SETD2: variants seen among roughly 807,000 people sequenced by gnomAD.
SETD2 encodes SET domain containing 2, histone lysine methyltransferase.
Under a neutral mutation model 242.1 loss-of-function variants are expected in SETD2, and 31 were observed. The ratio of observed to expected loss-of-function variants is 0.13; its 90% CI spans 0.10 to 0.17. SETD2 has a LOEUF of 0.17. Among genes scored for constraint, SETD2 ranks in the 10% least tolerant of loss-of-function variants. The pLI is 1.00. For synonymous variants in SETD2, 1,006 were observed against 1,066.5 expected, an observed-to-expected ratio of 0.94 and a Z score of 1.11; for missense variants, 2,481 against 3,046.3, an observed-to-expected ratio of 0.81 and a Z score of 4.37.
At chr3:47,022,205 A>T (rs1057514427) in intron 18 of SETD2, among the ~76,000 whole-genome samples, 3 of 142,998 alleles carry the variant, frequency 2.1e-5, no homozygotes, top group African/African-American at 7.6e-5. Context: ...ACACACACAC[A>T]CACACACACA....
chr3:47,060,416 C>A (rs1213566797), intron 14 of SETD2, among the ~76,000 whole-genome samples: 3 of 151,960 alleles, frequency 2.0e-5, no homozygotes, highest in African/African-American at 7.3e-5. Flanking sequence ...AGAGGAAAAC[C>A]AAGAAGGCAG....
intron 14 of SETD2, among the ~76,000 whole-genome samples, chr3:47,059,816 T>A (rs9854790): frequency 2.0e-5 from 3 of 151,252 alleles, no homozygotes; most frequent in Non-Finnish European, 3.0e-5. Flanking sequence ...AGACAGTCTT[T>A]CTCTGTCACC....
chr3:47,123,871 C>T lies in SETD2; in HGVS notation c.765G>A (p.Lys255=), dbSNP rs1330801240. Residue 255 remains lysine, a synonymous_variant, in exon 3 of 21, where the codon AAG becomes AAA. Transcript: ENST00000409792. ...CTAAACTATTAGATATAGTGTCCTG[C>T]TTAGTATCTGCTTCTAAAGATTCTG... The part of the protein sequence containing the change: ...IVPESLEADT[K]QDTISNSLEE... The T allele has an allele frequency of 6.4e-7, 1 of 1,551,556 alleles. No individual in the cohort carries two copies. Among genetic ancestry groups the T allele is most frequent in the African/African-American group, 1.4e-5 (1 of 73,042 alleles).
At position 47,123,269 on chromosome 3, in the gene SETD2, C is replaced by A. The variant is rs777476264; in HGVS notation, c.1367G>T (p.Arg456Leu). 1 of 1,552,604 alleles carries A rather than the reference C, an allele frequency of 6.4e-7. No individual in the cohort carries two copies. The highest frequency in any genetic ancestry group is 1.4e-5 in the African/African-American group (1 of 73,160). Residue 456 changes from arginine (R) to leucine (L), a missense_variant, in exon 3 of 21, where the codon CGA (arginine) becomes CTA (leucine). Arg to Leu is a moderately radical substitution (Grantham distance 102). Around this residue, in one of 17 missense-constraint regions of SETD2, gnomAD observed 1,300 missense variants for 1,259.2 expected, o/e 1.03. Coordinates refer to ENST00000409792, the MANE Select transcript of SETD2 (RefSeq NM_014159.7). ...YSRPYTDNRA[R>L]ESSDSEEEYK... The stretch of plus-strand genomic sequence containing the variant: ...CTCTTCTTCTGAGTCAGAACTCTCT[C>A]GTGCTCTGTTATCTGTGTATGGCCG...
At position 47,120,879 on chromosome 3, in the gene SETD2, CTGA is replaced by C. The variant is rs2043051828; in HGVS notation, c.3754_3756del (p.Ser1252del). On this transcript the variant is annotated inframe_deletion, in exon 3 of 21. Coordinates refer to ENST00000409792, the MANE Select transcript of SETD2 (RefSeq NM_014159.7). ...TCCCAACCTAAGTTTCTGAGCTCTT[CTGA>C]TGAGTGCAAGCCATCCACATGTGGT... 1 of 1,614,238 alleles carries C rather than the reference CTGA, an allele frequency of 6.2e-7. No individual in the cohort carries two copies. The highest frequency in any genetic ancestry group is 8.5e-7 in the Non-Finnish European group (1 of 1,180,038).
chr3:47,036,288 C>T (rs2038992707), intron 18 of SETD2, among the ~76,000 whole-genome samples: 1 of 152,200 alleles, frequency 6.6e-6, no homozygotes, highest in South Asian at 2.1e-4. Flanking sequence ...GCTGTGGTGG[C>T]TCATGCCTGT....
chr3:47,162,878 G>A (rs972652140), intron 1 of SETD2, among the ~76,000 whole-genome samples: 2 of 152,226 alleles, frequency 1.3e-5, no homozygotes, highest in African/African-American at 4.8e-5. Context: ...AGCAGATACA[G>A]CAGCAGATTC....
At chr3:47,086,415 G>T in intron 10 of SETD2, 101 bp from the exon 11 acceptor site, 1 of 1,184,236 alleles carries the variant, frequency 8.4e-7, no homozygotes, top group Non-Finnish European at 1.2e-6. Flanking sequence ...ACACATTATA[G>T]GGTTCACTTA....
chr3:47,163,750 G>A (rs1344595664), intron 1 of SETD2, 104 bp downstream of exon 1: 1 of 1,156,512 alleles, frequency 8.6e-7, no homozygotes, highest in East Asian at 3.4e-5. Flanking sequence ...CCGTGGGCCT[G>A]TTACTCCTCG....
At chr3:47,037,174 C>A (rs537783136) in intron 18 of SETD2, among the ~76,000 whole-genome samples, 2 of 147,116 alleles carry the variant, frequency 1.4e-5, no homozygotes, top group Middle Eastern at 3.6e-3. Context: ...TAGATGTGCA[C>A]AACGTGCAGG....
Position 47,120,325 on chromosome 3 carries a change from T to C in SETD2, c.4311A>G (p.Ser1437=), listed in dbSNP as rs2107740341. 1 of 1,613,970 alleles carries C rather than the reference T, an allele frequency of 6.2e-7. No homozygotes were observed. The highest frequency in any genetic ancestry group is 8.5e-7 in the Non-Finnish European group (1 of 1,179,946). ...CAACCAGTGCTGAACCTGGGGGCAC[T>C]GATGTCTCTCCCTGCTCTACCTCCA... The part of the protein sequence containing the change: ...VRVEVEQGET[S]VPPGSALVGP... Residue 1437 remains serine (S), a synonymous_variant, in exon 3 of 21, where the codon TCA becomes TCG. Transcript: ENST00000409792.
At chr3:47,103,509 G>T in intron 6 of SETD2, 86 bp from the exon 7 acceptor site, 1 of 962,594 alleles carries the variant, frequency 1.0e-6, no homozygotes, top group Non-Finnish European at 1.7e-6. Flanking sequence ...CATCTCTTAT[G>T]CATCAATTAA....
rs2106705206 is a variant in SETD2 at position 47,123,496 on chromosome 3, A to G, written c.1140T>C (p.Tyr380=). The G allele has an allele frequency of 1.3e-6, 2 of 1,551,144 alleles. No homozygotes were observed. Among genetic ancestry groups the G allele is most frequent in the Non-Finnish European group, 1.7e-6 (2 of 1,146,946 alleles). Residue 380 remains tyrosine (Y), a synonymous_variant, in exon 3 of 21, where the codon TAT becomes TAC. Coordinates refer to ENST00000409792, the MANE Select transcript of SETD2 (RefSeq NM_014159.7). ...KTDRDDKYFS[Y]SKLERDTRYV... is the part of the protein sequence containing the mutation. ...ACCGAGTATCTCTTTCAAGTTTTGAATAGCTAAAATATTTATCATCTCTGT... is the reference window on the plus strand; with the variant it reads ...ACCGAGTATCTCTTTCAAGTTTTGAGTAGCTAAAATATTTATCATCTCTGT...
chr3:47,038,488 GC>G (rs1308646318), intron 17 of SETD2, among the ~76,000 whole-genome samples: 1 of 151,976 alleles, frequency 6.6e-6, no homozygotes, highest in Non-Finnish European at 1.5e-5. Context: ...GGTGGCGGGC[GC>G]CTGTAATCCC....
chr3:47,107,270 T>C (rs1299462163), intron 5 of SETD2, among the ~76,000 whole-genome samples: 1 of 152,186 alleles, frequency 6.6e-6, no homozygotes, highest in East Asian at 1.9e-4. Flanking sequence ...ATTTTTTTAA[T>C]GTAAATCTTT....
chr3:47,091,627 A>G (rs1429613109), intron 9 of SETD2, among the ~76,000 whole-genome samples: 5 of 152,144 alleles, frequency 3.3e-5, no homozygotes, highest in Non-Finnish European at 7.3e-5. Flanking sequence ...GCCGGGCATG[A>G]TGGCAGGTGC....
At chr3:47,073,838 T>C (rs2040933919) in intron 12 of SETD2, among the ~76,000 whole-genome samples, 1 of 152,216 alleles carries the variant, frequency 6.6e-6, no homozygotes, top group Non-Finnish European at 1.5e-5. Flanking sequence ...ACAGTACTTG[T>C]GCTGGCCAGG....
chr3:47,083,716 T>C lies in SETD2; in HGVS notation c.6060+4A>G. On this transcript the variant is annotated splice_donor_region_variant and intron_variant, in intron 12 of 20. Transcript: ENST00000409792. ...GTTGAAATGAACAAAAGATGCTTCCTTACCTTTAGGTCTTTCCAACTGTCC... is the reference window on the plus strand; with the variant it reads ...GTTGAAATGAACAAAAGATGCTTCCCTACCTTTAGGTCTTTCCAACTGTCC... The C allele has an allele frequency of 6.3e-7, 1 of 1,596,576 alleles. No individual in the cohort carries two copies. The highest frequency in any genetic ancestry group is 8.5e-7 in the Non-Finnish European group (1 of 1,171,824).
intron 1 of SETD2, among the ~76,000 whole-genome samples, chr3:47,127,815 T>C (rs112472007): frequency 9.2e-4 from 140 of 152,204 alleles, no homozygotes; most frequent in Non-Finnish European, 1.5e-3. Context: ...AGTCGTGCCA[T>C]TGCACTCCAG....
Sources: allele counts gnomAD v4.1 joint callset (sites outside exome capture counted in the v4.1 genomes callset), GRCh38; gene constraint gnomAD v4.1.1; regional missense constraint gnomAD v4.1.1; transcripts MANE v1.5; gene names NCBI Gene and HGNC (gene_info 2026-07-23, HGNC 2026-07-21).